The following GSE1 variants were observed in gnomAD, a reference collection of about 807,000 sequenced individuals.
GSE1 encodes the protein genetic suppressor element 1.
A neutral mutation model predicts 112.6 loss-of-function variants in GSE1; 32 were observed. The observed-to-expected ratio is 0.28, with a 90% CI of 0.21 to 0.38. The LOEUF (loss-of-function observed/expected upper bound fraction) is 0.38, where lower values mean the gene tolerates loss of function less well. GSE1 is among the 10% of genes least tolerant of loss of function. GSE1 has a pLI of 1.00. For synonymous variants in GSE1, 1,115 were observed against 735.6 expected (o/e 1.52, Z -8.35); for missense variants, 2,348 against 1,699.2 (o/e 1.38, Z -6.71).
chr16:85,255,847 C>A (rs758866897), intron 1 of GSE1, among the ~76,000 whole-genome samples: 4 of 152,074 alleles, frequency 2.6e-5, no homozygotes, highest in East Asian at 1.9e-4. Context: ...CATGACCATG[C>A]CTGGCTCATT....
intron 1 of GSE1, among the ~76,000 whole-genome samples, chr16:85,245,993 G>A (rs1905622880): frequency 6.6e-6 from 1 of 151,212 alleles, no homozygotes; most frequent in South Asian, 2.1e-4. Context: ...TGTGTTAGTG[G>A]GGAGGCAAGG....
In GSE1 at chr16:85,673,892, CTTTG is replaced by C. The variant is rs1459228010; in HGVS notation, c.*1357_*1360del. Reference sequence around the variant, plus strand: ...AGGTACAGAATAGGAACTTCAGAGGCTTTGTTTAAACGCAAAGCTTTGTAAAAGC... The same window carrying C: ...AGGTACAGAATAGGAACTTCAGAGGCTTTAAACGCAAAGCTTTGTAAAAGC... On this transcript the variant is annotated 3_prime_UTR_variant, in exon 16 of 16. Coordinates refer to ENST00000253458, the MANE Select transcript of GSE1 (RefSeq NM_014615.5). 1 of 152,212 alleles carries C rather than the reference CTTTG, an allele frequency of 6.6e-6. No individual in the cohort carries two copies. Among genetic ancestry groups the C allele is most frequent in the African/African-American group, 2.4e-5 (1 of 41,438 alleles). The allele number at this position is 152,212 out of a possible 1,614,324, so 9.4% of individuals were successfully genotyped here.
At chr16:85,228,267 GGTTT>G (rs1236292807) in intron 1 of GSE1, among the ~76,000 whole-genome samples, 1 of 152,242 alleles carries the variant, frequency 6.6e-6, no homozygotes, top group Non-Finnish European at 1.5e-5. Flanking sequence ...CTTTGCGACG[GGTTT>G]GTTTGGTTTT....
intron 1 of GSE1, among the ~76,000 whole-genome samples, chr16:85,603,501 ATTTT>A: frequency 6.6e-6 from 1 of 151,868 alleles, no homozygotes; most frequent in Non-Finnish European, 1.5e-5. Context: ...TTCAGATTGG[ATTTT>A]TTTGTTTTGT....
chr16:85,426,793 C>T (rs1338071811), intron 2 of GSE1, among the ~76,000 whole-genome samples: 5 of 152,138 alleles, frequency 3.3e-5, no homozygotes, highest in Non-Finnish European at 7.4e-5. Flanking sequence ...ATGTTATTTC[C>T]AGTCACTGGG....
intron 2 of GSE1, among the ~76,000 whole-genome samples, chr16:85,452,097 A>C (rs1473831794): frequency 6.6e-6 from 1 of 152,132 alleles, no homozygotes; most frequent in African/African-American, 2.4e-5. Context: ...TCCCCGCCAG[A>C]GAGACCCGTG....
At chr16:85,274,448 A>G (rs1909157457) in intron 1 of GSE1, among the ~76,000 whole-genome samples, 1 of 151,924 alleles carries the variant, frequency 6.6e-6, no homozygotes, top group Admixed American at 6.6e-5. Flanking sequence ...TGATGTATTT[A>G]TCGAGCACTC....
intron 2 of GSE1, 41 bp downstream of exon 2, chr16:85,634,173 C>T (rs999737688): frequency 1.1e-4 from 145 of 1,335,256 alleles, no homozygotes; most frequent in Non-Finnish European, 1.3e-4. Flanking sequence ...GGAGCGGCGG[C>T]TCCCGAGGCC....
Position 85,304,933 on chromosome 16 carries a change from C to G in GSE1, c.2284-52530C>G, listed in dbSNP as rs138705857. Among the ~76,000 whole-genome samples, 841 of 152,324 alleles carry G rather than the reference C, an allele frequency of 5.5e-3. 10 individuals carry two copies. The highest frequency in any genetic ancestry group is 0.019 in the African/African-American group (793 of 41,566). ...GAAGATAGCCCAGCACTGAGTGACC[C>G]CTGCTTCCTGACTGTCCAACCCAGT... is the stretch of plus-strand genomic sequence containing the variant. On this transcript the variant is annotated intron_variant, in intron 1 of 2. Coordinates refer to the GSE1 transcript ENST00000637419.
intron 2 of GSE1, among the ~76,000 whole-genome samples, chr16:85,448,980 G>A (rs61471682): frequency 6.6e-6 from 1 of 152,004 alleles, no homozygotes; most frequent in Non-Finnish European, 1.5e-5. Context: ...CCCTCCACCC[G>A]CTCAGCCCTC....
intron 2 of GSE1, among the ~76,000 whole-genome samples, chr16:85,541,896 G>C (rs565374345): frequency 6.6e-6 from 1 of 152,232 alleles, no homozygotes; most frequent in South Asian, 2.1e-4. Context: ...CACTGGGAAC[G>C]GGCTGAGCAT....
intron 3 of GSE1, among the ~76,000 whole-genome samples, chr16:85,651,188 C>T (rs978198395): frequency 1.3e-5 from 2 of 151,380 alleles, no homozygotes; most frequent in African/African-American, 2.4e-5. Flanking sequence ...TCTGTGGAGA[C>T]GGCAGTGAGA....
chr16:85,318,868 C>G (rs112417363), intron 1 of GSE1, among the ~76,000 whole-genome samples: 275 of 152,360 alleles, frequency 1.8e-3, no homozygotes, highest in African/African-American at 6.3e-3. Flanking sequence ...TAGCTGTTGA[C>G]TCAACCTGTG....
In GSE1 at chr16:85,457,634, G is replaced by C. The variant is rs576406142; in HGVS notation, c.2464+99991G>C. 9.8e-5 allele frequency among the ~76,000 whole-genome samples: 15 copies of C among 152,294 alleles called. 1 individual carries two copies. In the East Asian group the frequency reaches 2.9e-3, roughly 29 times the overall value. ...ACCTGCACACAGCACCCCCTGCCTC[G>C]TTGGGTGAAGCTGCCAGCCAGGTCC... On this transcript the variant is annotated intron_variant, in intron 2 of 2. Coordinates refer to the GSE1 transcript ENST00000637419.
chr16:85,522,022 G>T (rs1427631142), intron 2 of GSE1, among the ~76,000 whole-genome samples: 1 of 152,200 alleles, frequency 6.6e-6, no homozygotes, highest in Admixed American at 6.5e-5. Context: ...AACCTCTCCA[G>T]AGCCTCCTAG....
intron 1 of GSE1, among the ~76,000 whole-genome samples, chr16:85,217,332 G>A (rs1004915650): frequency 3.9e-5 from 6 of 152,244 alleles, no homozygotes; most frequent in African/African-American, 1.2e-4. Flanking sequence ...TTTCTGTGCT[G>A]TGTTTGGGGT....
chr16:85,216,372 C>G (rs1014921323), intron 1 of GSE1, among the ~76,000 whole-genome samples: 1 of 152,114 alleles, frequency 6.6e-6, no homozygotes, highest in Non-Finnish European at 1.5e-5. Context: ...GCACTCCAGC[C>G]TGAATGACAG....
In GSE1 at chr16:85,392,085, C is replaced by A. The variant is rs57231718; in HGVS notation, c.2464+34442C>A. ...AGGTTTCCTTCCCAGCCTCACCCCC[C>A]ACTCCCTCCCTTCCCGTGATTCCCT... On this transcript the variant is annotated intron_variant, in intron 2 of 2. Transcript: ENST00000637419. 8.1e-4 allele frequency among the ~76,000 whole-genome samples: 123 copies of A among 152,240 alleles called. 1 individual carries two copies. Among genetic ancestry groups the A allele is most frequent in the African/African-American group, 2.7e-3 (112 of 41,510 alleles).
intron 1 of GSE1, among the ~76,000 whole-genome samples, chr16:85,278,217 G>GGT (rs1184612336): frequency 9.9e-5 from 15 of 152,190 alleles, no homozygotes; most frequent in Non-Finnish European, 1.5e-5. Flanking sequence ...AGGGGGCGGG[G>GGT]GTGCTGTCCT....
Sources: gnomAD v4.1 joint callset for allele counts (sites outside exome capture counted in the v4.1 genomes callset) on GRCh38, gnomAD v4.1.1 for gene constraint, MANE v1.5 for transcripts, NCBI Gene and HGNC (gene_info 2026-07-23, HGNC 2026-07-21) for gene names.